The following RAMP3 variants were observed in gnomAD, a reference collection of about 807,000 sequenced individuals.
The protein encoded by RAMP3 is receptor activity modifying protein 3, also known as receptor activity-modifying protein 3.
RAMP3 carries 14 observed loss-of-function variants against 13.5 expected under a neutral mutation model. The observed-to-expected ratio is 1.04, with a 90% CI of 0.69 to 1.63. The LOEUF (loss-of-function observed/expected upper bound fraction) is 1.63, where lower values mean the gene tolerates loss of function less well. Among genes scored for constraint, RAMP3 ranks in the 40% most tolerant of loss-of-function variants. RAMP3 has a pLI of 0.00. For synonymous variants in RAMP3, 106 were observed against 88.3 expected, an observed-to-expected ratio of 1.20 and a Z score of -1.12; for missense variants, 200 against 204.8, an observed-to-expected ratio of 0.98 and a Z score of 0.14.
chr7:45,178,047 CA>C (rs888697564), intron 2 of RAMP3, among the ~76,000 whole-genome samples: 1 of 151,250 alleles, frequency 6.6e-6, no homozygotes, highest in Non-Finnish European at 1.5e-5. Flanking sequence ...TGCCCTACCC[CA>C]GGGGGTGCCC....
At chr7:45,177,722 GGCATTTGTGCTCCCCACACCCACA>G (rs1786222549) in intron 2 of RAMP3, among the ~76,000 whole-genome samples, 3 of 151,898 alleles carry the variant, frequency 2.0e-5, no homozygotes, top group Admixed American at 6.6e-5. Context: ...CCCTGCCCAC[GGCATTTGTGCTCCCCACACCCACA>G]GCGGGTTCCC....
chr7:45,162,805 G>A (rs1056963533), intron 1 of RAMP3, among the ~76,000 whole-genome samples: 1 of 152,164 alleles, frequency 6.6e-6, no homozygotes, highest in Admixed American at 6.5e-5. Flanking sequence ...GGCTCAGAGG[G>A]GCAAGTGAGT....
intron 1 of RAMP3, among the ~76,000 whole-genome samples, chr7:45,169,239 T>C (rs577720854): frequency 2.6e-5 from 4 of 152,338 alleles, no homozygotes; most frequent in Admixed American, 6.5e-5. Context: ...TCTTTTCTTA[T>C]GATGTCTTTG....
intron 1 of RAMP3, among the ~76,000 whole-genome samples, chr7:45,161,342 G>A (rs1785862386): frequency 6.6e-6 from 1 of 152,164 alleles, no homozygotes; most frequent in Non-Finnish European, 1.5e-5. Context: ...TGCTGTCTTT[G>A]CCTGGCTCAG....
At chr7:45,175,641 T>A (rs1214654568) in intron 1 of RAMP3, among the ~76,000 whole-genome samples, 1 of 152,048 alleles carries the variant, frequency 6.6e-6, no homozygotes, top group African/African-American at 2.4e-5. Context: ...CCTTTTGTGT[T>A]CTCCTCTGTG....
At position 45,183,272 on chromosome 7, in the gene RAMP3, A is replaced by C; in HGVS notation, c.307A>C (p.Asn103His). 6.2e-7 allele frequency: 1 copy of C among 1,613,972 alleles called. No individual in the cohort carries two copies. The highest frequency in any genetic ancestry group is 8.5e-7 in the Non-Finnish European group (1 of 1,180,020). ...ITGIHRQFFS[N>H]CTVDRVHLED... ...CGGCATCCACAGGCAGTTCTTCTCC[A>C]ACTGCACCGTGGACAGGGTCCACTT... The change falls in exon 3 of 3, where the codon AAC (asparagine) becomes CAC (histidine). Residue 103 changes from asparagine (N) to histidine (H), a missense_variant. Physicochemically the swap from Asn to His is moderately conservative, Grantham distance 68. Coordinates refer to ENST00000242249, the MANE Select transcript of RAMP3 (RefSeq NM_005856.3).
intron 1 of RAMP3, among the ~76,000 whole-genome samples, chr7:45,161,243 T>G (rs1785860467): frequency 1.3e-5 from 2 of 151,814 alleles, no homozygotes; most frequent in Admixed American, 6.6e-5. Flanking sequence ...CTTCTCTTTT[T>G]AGATAGCTGT....
At chr7:45,177,219 A>C (rs1431833339) in intron 1 of RAMP3, 90 bp from the exon 2 acceptor site, 1 of 1,537,134 alleles carries the variant, frequency 6.5e-7, no homozygotes, top group Non-Finnish European at 8.9e-7. Context: ...CTTGCTAGTG[A>C]GTACTCAAGT....
At chr7:45,168,166 C>T (rs1420259962) in intron 1 of RAMP3, among the ~76,000 whole-genome samples, 5 of 151,628 alleles carry the variant, frequency 3.3e-5, no homozygotes, top group Admixed American at 3.3e-4. Context: ...TTTGGGAGGC[C>T]GAGGCTGGTG....
chr7:45,163,315 C>A, intron 1 of RAMP3: 1 of 985,416 alleles, frequency 1.0e-6, no homozygotes, highest in Non-Finnish European at 1.2e-6. Context: ...GTGGTCCCTA[C>A]CAGCCTTATA....
intron 2 of RAMP3, among the ~76,000 whole-genome samples, chr7:45,178,714 G>A (rs866701678): frequency 1.3e-5 from 2 of 152,266 alleles, no homozygotes; most frequent in South Asian, 4.1e-4. Context: ...GGTGGAGTCA[G>A]GGAAGAGGAG....
intron 1 of RAMP3, among the ~76,000 whole-genome samples, chr7:45,161,778 G>A (rs1785871324): frequency 6.6e-6 from 1 of 152,074 alleles, no homozygotes; most frequent in African/African-American, 2.4e-5. Flanking sequence ...ACCAGGCCAA[G>A]TGGTCCAGGT....
chr7:45,166,139 T>C (rs1039981364), intron 1 of RAMP3, among the ~76,000 whole-genome samples: 52 of 152,036 alleles, frequency 3.4e-4, no homozygotes, highest in African/African-American at 1.2e-3. Flanking sequence ...AGCAGTAGTA[T>C]ATAAAGGTTC....
intron 1 of RAMP3, among the ~76,000 whole-genome samples, chr7:45,164,877 A>C (rs544669004): frequency 6.6e-6 from 1 of 152,180 alleles, no homozygotes; most frequent in Admixed American, 6.5e-5. Context: ...TTGGCAGCCT[A>C]CTGTTGGACC....
In RAMP3 at chr7:45,184,077, G is replaced by C. The variant is rs1250705396; in HGVS notation, c.*665G>C. 2.5e-6 allele frequency: 1 copy of C among 401,014 alleles called. No individual in the cohort carries two copies. The highest frequency in any genetic ancestry group is 4.3e-5 in the Admixed American group (1 of 23,252). The allele number at this position is 401,014 out of a possible 1,614,324, so 24.8% of individuals were successfully genotyped here. Reference sequence around the variant, plus strand: ...TGTGTCCATGACCAGAGGCTGGAGTGGGGGTGTGTTAGAGCCCCTCACCGG... The same window carrying C: ...TGTGTCCATGACCAGAGGCTGGAGTCGGGGTGTGTTAGAGCCCCTCACCGG... On this transcript the variant is annotated 3_prime_UTR_variant, in exon 3 of 3. Coordinates refer to ENST00000242249, the MANE Select transcript of RAMP3 (RefSeq NM_005856.3).
At chr7:45,174,909 C>T (rs1174918891) in intron 1 of RAMP3, among the ~76,000 whole-genome samples, 1 of 152,168 alleles carries the variant, frequency 6.6e-6, no homozygotes, top group Non-Finnish European at 1.5e-5. Context: ...TAGCGGTGGT[C>T]CAGGATGTTT....
intron 1 of RAMP3, among the ~76,000 whole-genome samples, chr7:45,162,593 T>C (rs1439423230): frequency 6.6e-6 from 1 of 152,182 alleles, no homozygotes; most frequent in Non-Finnish European, 1.5e-5. Flanking sequence ...TGACCCACCC[T>C]GCCACAGGGT....
At chr7:45,158,977 G>A (rs75430547) in intron 1 of RAMP3, among the ~76,000 whole-genome samples, 27 of 152,290 alleles carry the variant, frequency 1.8e-4, no homozygotes, top group African/African-American at 6.0e-4. Flanking sequence ...TCCAGTGAGC[G>A]CCCCTTAGGT....
At chr7:45,170,558 C>T (rs1291902523) in intron 1 of RAMP3, among the ~76,000 whole-genome samples, 1 of 152,096 alleles carries the variant, frequency 6.6e-6, no homozygotes, top group African/African-American at 2.4e-5. Flanking sequence ...AGGATGATCT[C>T]GGTCTCCTGA....
Sources: allele counts gnomAD v4.1 joint callset (sites outside exome capture counted in the v4.1 genomes callset), GRCh38; gene constraint gnomAD v4.1.1; transcripts MANE v1.5; gene names NCBI Gene and HGNC (gene_info 2026-07-23, HGNC 2026-07-21).